KCNIP4: variants seen among roughly 807,000 people sequenced by gnomAD.
The protein encoded by KCNIP4 is Kv channel-interacting protein 4.
Under a neutral mutation model 34.0 loss-of-function variants are expected in KCNIP4, and 12 were observed. The observed-to-expected ratio is 0.35, with a 90% confidence interval of 0.23 to 0.57. The LOEUF is 0.57. KCNIP4 is among the 20% of genes least tolerant of loss of function. The pLI, the probability that KCNIP4 is intolerant of heterozygous loss-of-function variation, is 0.83. For synonymous variants in KCNIP4, 124 were observed against 102.2 expected, an observed-to-expected ratio of 1.21 and a Z score of -1.29; for missense variants, 238 against 311.7, an observed-to-expected ratio of 0.76 and a Z score of 1.78.
At chr4:20,784,611 C>T (rs1711691734) in intron 3 of KCNIP4, among the ~76,000 whole-genome samples, 1 of 152,016 alleles carries the variant, frequency 6.6e-6, no homozygotes, top group African/African-American at 2.4e-5. Context: ...CTCATTTTTC[C>T]TACATTCCCT....
chr4:21,434,505 C>T (rs1326989576), intron 1 of KCNIP4, among the ~76,000 whole-genome samples: 1 of 152,122 alleles, frequency 6.6e-6, no homozygotes, highest in African/African-American at 2.4e-5. Flanking sequence ...AGGACCCTCT[C>T]CCCACCCAGG....
At chr4:20,804,565 CT>C (rs1290582821) in intron 3 of KCNIP4, among the ~76,000 whole-genome samples, 1 of 118,828 alleles carries the variant, frequency 8.4e-6, no homozygotes, top group Admixed American at 9.4e-5. Flanking sequence ...TTTTCTCCTC[CT>C]TCTCAAAATC....
At chr4:21,590,228 G>T (rs1285576415) in intron 1 of KCNIP4, among the ~76,000 whole-genome samples, 1 of 152,006 alleles carries the variant, frequency 6.6e-6, no homozygotes, top group Non-Finnish European at 1.5e-5. Flanking sequence ...GGAAAGGGAT[G>T]AAACCTATTC....
chr4:21,185,040 G>A (rs1159530633), intron 1 of KCNIP4, among the ~76,000 whole-genome samples: 1 of 152,102 alleles, frequency 6.6e-6, no homozygotes, highest in African/African-American at 2.4e-5. Context: ...ACAAAAGATT[G>A]CCAAGAGTTG....
At chr4:21,409,826 C>G (rs1157754674) in intron 1 of KCNIP4, among the ~76,000 whole-genome samples, 2 of 152,078 alleles carry the variant, frequency 1.3e-5, no homozygotes, top group African/African-American at 2.4e-5. Context: ...GTCAACTTTT[C>G]ATGGGGAATT....
intron 1 of KCNIP4, among the ~76,000 whole-genome samples, chr4:20,936,968 T>G (rs1262304707): frequency 6.6e-6 from 1 of 152,048 alleles, no homozygotes; most frequent in Non-Finnish European, 1.5e-5. Flanking sequence ...TAGATCAGTG[T>G]GCTGATCTGT....
chr4:21,908,898 A>G (rs1267495809), intron 1 of KCNIP4, among the ~76,000 whole-genome samples: 2 of 152,190 alleles, frequency 1.3e-5, no homozygotes, highest in African/African-American at 4.8e-5. Context: ...CAAGCATCAA[A>G]GTCAACTATG....
At chr4:21,643,395 G>A (rs913980801) in intron 1 of KCNIP4, among the ~76,000 whole-genome samples, 1 of 152,088 alleles carries the variant, frequency 6.6e-6, no homozygotes, top group East Asian at 1.9e-4. Flanking sequence ...TATTAATCAT[G>A]TTAAGCAAAA....
chr4:21,665,515 C>A (rs1016061031), intron 1 of KCNIP4, among the ~76,000 whole-genome samples: 1 of 149,720 alleles, frequency 6.7e-6, no homozygotes, highest in African/African-American at 2.5e-5. Flanking sequence ...CAGGGCACCC[C>A]CCCCCCCTCA....
chr4:21,437,893 G>GTC (rs1360263845), intron 1 of KCNIP4, among the ~76,000 whole-genome samples: 1 of 146,390 alleles, frequency 6.8e-6, no homozygotes, highest in Admixed American at 6.7e-5. Context: ...GTGTGTGTGT[G>GTC]TGTGTGTGTG....
At chr4:20,928,755 T>TA (rs1730149076) in intron 1 of KCNIP4, among the ~76,000 whole-genome samples, 1 of 151,574 alleles carries the variant, frequency 6.6e-6, no homozygotes, top group Admixed American at 6.6e-5. Context: ...AAATCAGAAA[T>TA]AAAAGTAGAA....
intron 1 of KCNIP4, among the ~76,000 whole-genome samples, chr4:21,823,607 AC>A (rs1269475275): frequency 1.3e-5 from 2 of 152,022 alleles, no homozygotes; most frequent in Non-Finnish European, 2.9e-5. Flanking sequence ...CACCCCAAAT[AC>A]ACTAAATCAG....
rs10542507 is a variant in KCNIP4 at position 20,735,530 on chromosome 4, G to GT, written c.430-796dup. ...AAATTCATTTAGTGTTTTTTTTTTT[G>GT]TTTTTTTTTTTTTTTTTGAGATGGA... On this transcript the variant is annotated intron_variant, in intron 5 of 8. Transcript: ENST00000382152. 4.6e-3 allele frequency among the ~76,000 whole-genome samples: 504 copies of GT among 109,720 alleles called. 8 individuals are homozygous for GT. The East Asian group carries it at 0.051, about 11-fold the overall frequency. The allele number at this position is 109,720 out of a possible 152,430, so 72.0% of individuals were successfully genotyped here. A position where few individuals can be genotyped will look rare whatever the true frequency, so the allele number is the denominator to read the frequency against.
chr4:21,930,280 C>T (rs1034087761), intron 1 of KCNIP4, among the ~76,000 whole-genome samples: 3 of 152,138 alleles, frequency 2.0e-5, no homozygotes, highest in Admixed American at 6.6e-5. Context: ...ATACCTGCTA[C>T]TGTATCTCTT....
intron 1 of KCNIP4, among the ~76,000 whole-genome samples, chr4:21,500,208 G>A (rs1056199521): frequency 6.6e-6 from 1 of 152,050 alleles, no homozygotes; most frequent in Non-Finnish European, 1.5e-5. Flanking sequence ...TCGAAAAAGC[G>A]TTGTCTTTTT....
In KCNIP4 at chr4:20,764,714, A is replaced by G. The variant is rs73802313; in HGVS notation, c.289-5824T>C. Among the ~76,000 whole-genome samples the G allele has an allele frequency of 3.6e-3, 528 of 148,284 alleles. 5 individuals carry two copies. Among genetic ancestry groups the G allele is most frequent in the African/African-American group, 0.012 (485 of 40,528 alleles). ...CACACACACACACACACACAACCCCATGAACAAACAGCAATAATTTGCTTC... is the reference window on the plus strand; with the variant it reads ...CACACACACACACACACACAACCCCGTGAACAAACAGCAATAATTTGCTTC... On this transcript the variant is annotated intron_variant, in intron 3 of 8. Coordinates refer to ENST00000382152, the MANE Select transcript of KCNIP4 (RefSeq NM_025221.6).
chr4:21,810,146 C>T (rs1721539281), intron 1 of KCNIP4, among the ~76,000 whole-genome samples: 1 of 152,126 alleles, frequency 6.6e-6, no homozygotes. Flanking sequence ...ATGGAGACTG[C>T]TGAGCCTGTT....
intron 1 of KCNIP4, among the ~76,000 whole-genome samples, chr4:21,054,285 G>A (rs892212890): frequency 6.6e-6 from 1 of 152,092 alleles, no homozygotes; most frequent in African/African-American, 2.4e-5. Context: ...TTGGGAGGCT[G>A]AGGTGGGCGG....
At chr4:21,624,891 T>G (rs1419877309) in intron 1 of KCNIP4, among the ~76,000 whole-genome samples, 1 of 152,124 alleles carries the variant, frequency 6.6e-6, no homozygotes, top group East Asian at 1.9e-4. Context: ...AATTCTTGAA[T>G]ATACTGAGAT....
Sources: allele counts gnomAD v4.1 joint callset (sites outside exome capture counted in the v4.1 genomes callset), GRCh38; gene constraint gnomAD v4.1.1; transcripts MANE v1.5; gene names NCBI Gene and HGNC (gene_info 2026-07-23, HGNC 2026-07-21).